Variants in TTF2 observed in about 807,000 individuals in gnomAD.
TTF2 encodes the protein transcription termination factor 2, also known as RNA polymerase II termination factor.
In TTF2, 108 loss-of-function variants were observed where a neutral mutation model predicts 142.4. The ratio of observed to expected loss-of-function variants is 0.76; its 90% CI spans 0.65 to 0.89. TTF2 has a LOEUF of 0.89. Ranked by LOEUF, TTF2 falls within the 40% of genes least tolerant of loss-of-function variation. The pLI is 0.00. For synonymous variants in TTF2, 483 were observed against 506.2 expected (o/e 0.95, Z 0.61); for missense variants, 1,327 against 1,379.8 (o/e 0.96, Z 0.61).
rs367793200 is a variant in TTF2, at chr1:117,075,534, C to T, written c.950C>T (p.Pro317Leu). 36 of 1,614,022 alleles carry T rather than the reference C, an allele frequency of 2.2e-5. No homozygotes were observed. In the East Asian group the frequency reaches 2.7e-4, roughly 12 times the overall value. ...CCTCAGGGGCATTTCCAAGAGCGGC[C>T]GGAGACCCACAGTGTGCCTGCTCCT... ...SLPQGHFQER[P>L]ETHSVPAPGG... The change falls in exon 5 of 23, where the codon CCG (proline) becomes CTG (leucine). Residue 317 changes from proline to leucine, a missense_variant. Coordinates refer to ENST00000369466, the MANE Select transcript of TTF2 (RefSeq NM_003594.4). This position sits in a 1 kb window ranked among gnomAD's most constrained non-coding sequence, Gnocchi z 4.5.
chr1:117,096,990 G>T (rs142008958), intron 20 of TTF2, among the ~76,000 whole-genome samples: 162 of 152,286 alleles, frequency 1.1e-3, no homozygotes, highest in Middle Eastern at 6.8e-3. Context: ...ATAGGCAGGA[G>T]AATTATTGTA....
At chr1:117,067,524 CAAA>C (rs1161287519) in intron 3 of TTF2, among the ~76,000 whole-genome samples, 2 of 40,958 alleles carry the variant, frequency 4.9e-5, no homozygotes, top group Admixed American at 2.3e-4. Flanking sequence ...GACTCAGTCT[CAAA>C]AAAAAAAAAA....
rs1411872417 is a variant in TTF2, at chr1:117,092,839, G to A, written c.2914G>A (p.Val972Ile). 3.7e-6 allele frequency: 6 copies of A among 1,614,052 alleles called. No individual in the cohort carries two copies. The change falls in exon 18 of 23, where the codon GTT becomes ATT. Residue 972 changes from valine (V) to isoleucine (I), a missense_variant. By Grantham distance (29) the Val-to-Ile change is conservative. Transcript: ENST00000369466. This position sits in a 1 kb window ranked among gnomAD's most constrained non-coding sequence, Gnocchi z 4.4. Reference protein sequence around the residue: ...ELRDSEPSSTVSLNGTFFKME... With the variant: ...ELRDSEPSSTISLNGTFFKME... ...CCGTGACTCAGAGCCATCTTCCACT[G>A]TTTCCCTTAACGGCACCTTCTTCAA...
Position 117,073,701 on chromosome 1 carries a change from C to A in TTF2, c.259C>A (p.Arg87Ser). The change falls in exon 4 of 23, where the codon CGC becomes AGC. Residue 87 changes from arginine to serine, a missense_variant. Arg to Ser is a moderately radical substitution (Grantham distance 110). Transcript: ENST00000369466. The surrounding 1 kb of genome is among the most constrained non-coding windows in gnomAD (Gnocchi z 4.4). ...CATTAGAAGTAAGGCAGAGGGGAAA[C>A]GCTGGTGTGGAAGTATTCCATGGCA... ...RCIRSKAEGK[R>S]WCGSIPWQDP... is the part of the protein sequence containing the mutation. The A allele has an allele frequency of 6.2e-7, 1 of 1,612,188 alleles. No homozygotes were observed. Among genetic ancestry groups the A allele is most frequent in the South Asian group, 1.1e-5 (1 of 90,782 alleles).
Position 117,096,152 on chromosome 1 carries a change from C to T in TTF2, c.3039C>T (p.Val1013=). The T allele has an allele frequency of 6.2e-7, 1 of 1,613,958 alleles. No homozygotes were observed. The highest frequency in any genetic ancestry group is 8.5e-7 in the Non-Finnish European group (1 of 1,179,940). ...TTTATTTTATTCTTCTTTCCAGTGT[C>T]ATTGTCTCTCAGTGGACCAACATGC... ...IQRNSASQKS[V]IVSQWTNMLK... is the part of the protein sequence containing the mutation. The change falls in exon 20 of 23, where the codon GTC becomes GTT. Residue 1013 remains valine (V), a synonymous_variant. Transcript: ENST00000369466.
At chr1:117,094,382 G>C (rs527357324) in intron 18 of TTF2, among the ~76,000 whole-genome samples, 1 of 152,090 alleles carries the variant, frequency 6.6e-6, no homozygotes, top group African/African-American at 2.4e-5. Context: ...GAACTCTGGG[G>C]CCCTTAGAGG....
rs754157006 is a variant in TTF2 at position 117,101,503 on chromosome 1, C to T, written c.3468C>T (p.Leu1156=). The T allele has an allele frequency of 1.9e-6, 3 of 1,595,154 alleles. No homozygotes were observed. The highest frequency in any genetic ancestry group is 3.7e-5 in the Admixed American group (2 of 53,616). Residue 1156 remains leucine (L), a synonymous_variant, in exon 23 of 23, where the codon CTC becomes CTT. Coordinates refer to ENST00000369466, the MANE Select transcript of TTF2 (RefSeq NM_003594.4). The surrounding 1 kb of genome is among the most constrained non-coding windows in gnomAD (Gnocchi z 5.9). Reference sequence around the variant, plus strand: ...TCACCAAGCTCACCTTGGCTGACCTCAGAGTCCTTTTTGGCATCTAACCTC... The same window carrying T: ...TCACCAAGCTCACCTTGGCTGACCTTAGAGTCCTTTTTGGCATCTAACCTC... ...ESVTKLTLAD[L]RVLFGI is the part of the protein sequence containing the mutation.
At chr1:117,060,664 C>G in intron 2 of TTF2, 107 bp downstream of exon 2, 1 of 1,161,730 alleles carries the variant, frequency 8.6e-7, no homozygotes, top group South Asian at 1.6e-5. Context: ...TGGTGGGGCC[C>G]TAGTTTGCGG....
In TTF2 at chr1:117,093,461, G is replaced by A. The variant is rs777986369; in HGVS notation, c.2976+560G>A. 1.3e-5 allele frequency among the ~76,000 whole-genome samples: 2 copies of A among 152,110 alleles called. No individual in the cohort carries two copies. The highest frequency in any genetic ancestry group is 1.3e-4 in the Admixed American group (2 of 15,268). ...CTGAATCCTGCCTGTCTGCTGGCTC[G>A]GAATGTGCTTCATCATCCTGCCTGT... is the stretch of plus-strand genomic sequence containing the variant. On this transcript the variant is annotated intron_variant, in intron 18 of 22. Transcript: ENST00000369466. The surrounding 1 kb of genome is among the most constrained non-coding windows in gnomAD (Gnocchi z 4.5).
At position 117,080,745 on chromosome 1, in the gene TTF2, C is replaced by T. The variant is rs1482090263; in HGVS notation, c.1784-1083C>T. Reference sequence around the variant, plus strand: ...AGCTGTGATTTATTACAGTGAAAGGCTATAGATCAAAATCAACAAAAGGAA... The same window carrying T: ...AGCTGTGATTTATTACAGTGAAAGGTTATAGATCAAAATCAACAAAAGGAA... On this transcript the variant is annotated intron_variant, in intron 9 of 22. Coordinates refer to ENST00000369466, the MANE Select transcript of TTF2 (RefSeq NM_003594.4). The surrounding 1 kb of genome is among the most constrained non-coding windows in gnomAD (Gnocchi z 4.3). Among the ~76,000 whole-genome samples the T allele has an allele frequency of 2.6e-5, 4 of 152,156 alleles. No homozygotes were observed. The highest frequency in any genetic ancestry group is 4.8e-5 in the African/African-American group (2 of 41,434).
intron 3 of TTF2, among the ~76,000 whole-genome samples, chr1:117,072,021 G>C (rs2101381683): frequency 6.6e-6 from 1 of 152,230 alleles, no homozygotes; most frequent in Non-Finnish European, 1.5e-5. Flanking sequence ...TGGGGGAGAT[G>C]GTAGACAGAT....
At position 117,084,059 on chromosome 1, in the gene TTF2, C is replaced by G. The variant is rs1472673259; in HGVS notation, c.1945C>G (p.Pro649Ala). The change falls in exon 11 of 23, where the codon CCT becomes GCT. Residue 649 changes from proline (P) to alanine (A), a missense_variant. Pro to Ala is a conservative substitution (Grantham distance 27, BLOSUM62 -1). Transcript: ENST00000369466. ...TTCCCATGGAACACTAATCATCTGT[C>G]CTGCCTCCCTGATCCATCATTGGAA... Reference protein sequence around the residue: ...FTSHGTLIICPASLIHHWKNE... With the variant: ...FTSHGTLIICAASLIHHWKNE... 1.9e-6 allele frequency: 3 copies of G among 1,614,190 alleles called. No individual in the cohort carries two copies. The highest frequency in any genetic ancestry group is 8.5e-7 in the Non-Finnish European group (1 of 1,180,048).
Position 117,092,626 on chromosome 1 carries a change from A to G in TTF2, c.2806-105A>G. On this transcript the variant is annotated intron_variant, in intron 17 of 22. Transcript: ENST00000369466. The surrounding 1 kb of genome is among the most constrained non-coding windows in gnomAD (Gnocchi z 4.4). ...GAGGAGTTACTGATGACAAATTACA[A>G]GATATTTTGCTCTGTGAAGTGGTAA... 7.8e-7 allele frequency: 1 copy of G among 1,276,718 alleles called. No homozygotes were observed. Among genetic ancestry groups the G allele is most frequent in the South Asian group, 1.6e-5 (1 of 63,272 alleles). 79.1% of individuals were successfully genotyped at this position (1,276,718 alleles called of 1,614,324 possible).
In TTF2 at chr1:117,086,331, C is replaced by T; in HGVS notation, c.2055-86C>T. On this transcript the variant is annotated intron_variant, in intron 11 of 22. Transcript: ENST00000369466. This position sits in a 1 kb window ranked among gnomAD's most constrained non-coding sequence, Gnocchi z 4.2. ...TGCTGTTTGTCCTTCCATTTGTAGG[C>T]ATTTTTATTGAAAGATCAACTCTGC... 1 of 928,650 alleles carries T rather than the reference C, an allele frequency of 1.1e-6. No individual in the cohort carries two copies. The highest frequency in any genetic ancestry group is 1.7e-6 in the Non-Finnish European group (1 of 582,126). 57.5% of individuals were successfully genotyped at this position (928,650 alleles called of 1,614,324 possible).
At position 117,093,678 on chromosome 1, in the gene TTF2, C is replaced by G. The variant is rs1648815600; in HGVS notation, c.2976+777C>G. On this transcript the variant is annotated intron_variant, in intron 18 of 22. Coordinates refer to ENST00000369466, the MANE Select transcript of TTF2 (RefSeq NM_003594.4). This position sits in a 1 kb window ranked among gnomAD's most constrained non-coding sequence, Gnocchi z 4.5. ...AAAACATTTACCTAGGTCTTTACCA[C>G]TGATAGCTGAGAGAAACATAAGAAG... 6.6e-6 allele frequency among the ~76,000 whole-genome samples: 1 copy of G among 152,212 alleles called. No homozygotes were observed. Among genetic ancestry groups the G allele is most frequent in the Non-Finnish European group, 1.5e-5 (1 of 68,040 alleles).
intron 2 of TTF2, among the ~76,000 whole-genome samples, chr1:117,061,118 G>A (rs1300171316): frequency 2.6e-5 from 4 of 152,186 alleles, no homozygotes; most frequent in Admixed American, 1.3e-4. Flanking sequence ...GGCCTGGCGC[G>A]GTGTGTGACG....
At position 117,076,678 on chromosome 1, in the gene TTF2, G is replaced by C; in HGVS notation, c.1428G>C (p.Gln476His). ...AGAGTAACAGTCAAGTACCACAGCA[G>C]AGTCACTTCACCAAAACTACCACTG... The part of the protein sequence containing the change: ...NEKSNSQVPQ[Q>H]SHFTKTTTGP... The change falls in exon 7 of 23, where the codon CAG (glutamine) becomes CAC (histidine). Residue 476 changes from glutamine (Q) to histidine (H), a missense_variant. By Grantham distance (24) the Gln-to-His change is conservative. Transcript: ENST00000369466. The surrounding 1 kb of genome is among the most constrained non-coding windows in gnomAD (Gnocchi z 4.6). 6.2e-7 allele frequency: 1 copy of C among 1,613,678 alleles called. No individual in the cohort carries two copies. The highest frequency in any genetic ancestry group is 8.5e-7 in the Non-Finnish European group (1 of 1,179,790).
intron 21 of TTF2, 56 bp from the exon 22 acceptor site, chr1:117,098,777 T>G: frequency 6.5e-7 from 1 of 1,528,448 alleles, no homozygotes; most frequent in Non-Finnish European, 9.0e-7. Context: ...GGCCCATAGT[T>G]TGCCATTTCT....
intron 8 of TTF2, among the ~76,000 whole-genome samples, chr1:117,078,600 GATCAGCTGT>G (rs1392003753): frequency 1.3e-5 from 2 of 152,172 alleles, no homozygotes; most frequent in Admixed American, 6.5e-5. Context: ...CAGAAGTGGT[GATCAGCTGT>G]CATCAGTACC....
Sources: allele counts gnomAD v4.1 joint callset (sites outside exome capture counted in the v4.1 genomes callset), GRCh38; gene constraint gnomAD v4.1.1; non-coding constraint Gnocchi (gnomAD v3.1); transcripts MANE v1.5; gene names NCBI Gene and HGNC (gene_info 2026-07-23, HGNC 2026-07-21).